The following KSR2 variants were observed in gnomAD, a reference collection of about 807,000 sequenced individuals.
KSR2 encodes kinase suppressor of ras 2.
A neutral mutation model predicts 107.8 loss-of-function variants in KSR2; 25 were observed. The ratio of observed to expected loss-of-function variants is 0.23; its 90% CI spans 0.17 to 0.32. The LOEUF (loss-of-function observed/expected upper bound fraction) is 0.32, where lower values mean the gene tolerates loss of function less well. Among genes scored for constraint, KSR2 ranks in the 10% least tolerant of loss-of-function variants. The pLI is 1.00. For missense variants in KSR2, 887 were observed against 1,268.9 expected, an observed-to-expected ratio of 0.70 and a Z score of 4.57; for synonymous variants, 480 against 507.0, an observed-to-expected ratio of 0.95 and a Z score of 0.71.
intron 1 of KSR2, among the ~76,000 whole-genome samples, chr12:117,877,695 A>C (rs779867360): frequency 3.3e-5 from 5 of 152,176 alleles, no homozygotes; most frequent in African/African-American, 4.8e-5. Context: ...ACATGGATAA[A>C]ACACAAGGAG....
intron 5 of KSR2, among the ~76,000 whole-genome samples, chr12:117,650,229 C>A (rs1883835392): frequency 6.6e-6 from 1 of 152,156 alleles, no homozygotes; most frequent in Admixed American, 6.5e-5. Context: ...CCTAGCCTCC[C>A]AGCCTACATC....
chr12:117,678,459 C>T (rs769969029), intron 4 of KSR2, among the ~76,000 whole-genome samples: 2 of 152,058 alleles, frequency 1.3e-5, no homozygotes, highest in African/African-American at 4.8e-5. Context: ...GCTTCCTCCT[C>T]ACTATGACCC....
chr12:117,731,906 G>T (rs562630902), intron 4 of KSR2, among the ~76,000 whole-genome samples: 2 of 139,980 alleles, frequency 1.4e-5, no homozygotes, highest in Admixed American at 7.8e-5. Context: ...GCGGAAGGCC[G>T]CAGGGTCCTG....
At chr12:117,855,222 A>G (rs1893059325) in intron 3 of KSR2, among the ~76,000 whole-genome samples, 1 of 152,204 alleles carries the variant, frequency 6.6e-6, no homozygotes, top group Admixed American at 6.5e-5. Flanking sequence ...TCCTGGGGCA[A>G]GAGTTCAAAT....
intron 3 of KSR2, among the ~76,000 whole-genome samples, chr12:117,768,488 G>A (rs1241256237): frequency 2.0e-5 from 3 of 152,216 alleles, no homozygotes; most frequent in African/African-American, 7.2e-5. Flanking sequence ...AAACCCTGGT[G>A]CACAGGCTGT....
At chr12:117,799,806 A>C (rs2137016031) in intron 3 of KSR2, among the ~76,000 whole-genome samples, 1 of 152,252 alleles carries the variant, frequency 6.6e-6, no homozygotes, top group East Asian at 1.9e-4. Flanking sequence ...CCCGGCTCTT[A>C]GTGTTGAATA....
chr12:117,464,339 G>C lies in KSR2; in HGVS notation c.*2860C>G, dbSNP rs1871047624. 1 of 152,278 alleles carries C rather than the reference G, an allele frequency of 6.6e-6. No homozygotes were observed. 9.4% of individuals were successfully genotyped at this position (152,278 alleles called of 1,614,324 possible). On this transcript the variant is annotated 3_prime_UTR_variant, in exon 20 of 20. Coordinates refer to ENST00000339824, the MANE Select transcript of KSR2 (RefSeq NM_173598.6). ...AGACTGACTGGAACAACTCGCTGCT[G>C]AGTCAGTGACTTATGTGTACAGGGC... is the stretch of plus-strand genomic sequence containing the variant.
chr12:117,793,003 ACAC>A (rs1006032149), intron 3 of KSR2, among the ~76,000 whole-genome samples: 2 of 143,540 alleles, frequency 1.4e-5, no homozygotes, highest in Non-Finnish European at 3.0e-5. Flanking sequence ...GCACGCACAC[ACAC>A]CAACAGTACG....
intron 3 of KSR2, among the ~76,000 whole-genome samples, chr12:117,817,714 C>A (rs1891421496): frequency 6.6e-6 from 1 of 152,182 alleles, no homozygotes; most frequent in Non-Finnish European, 1.5e-5. Context: ...TACACAAGAC[C>A]TGAATTATAC....
At chr12:117,669,899 A>T (rs886469425) in intron 4 of KSR2, among the ~76,000 whole-genome samples, 1 of 152,170 alleles carries the variant, frequency 6.6e-6, no homozygotes, top group Non-Finnish European at 1.5e-5. Flanking sequence ...AATAAAATTT[A>T]AAAATGATAA....
At chr12:117,685,679 G>C (rs575099979) in intron 4 of KSR2, among the ~76,000 whole-genome samples, 1 of 152,350 alleles carries the variant, frequency 6.6e-6, no homozygotes, top group African/African-American at 2.4e-5. Context: ...CAGCAGAGGG[G>C]AGGGGCCCAG....
intron 7 of KSR2, among the ~76,000 whole-genome samples, chr12:117,571,990 C>G (rs1277928295): frequency 6.6e-6 from 1 of 152,150 alleles, no homozygotes; most frequent in African/African-American, 2.4e-5. Flanking sequence ...CATCCTATCC[C>G]TGCCTGGAGC....
chr12:117,757,344 G>A (rs1888834144), intron 4 of KSR2, among the ~76,000 whole-genome samples: 2 of 152,206 alleles, frequency 1.3e-5, no homozygotes, highest in African/African-American at 2.4e-5. Context: ...TGCTTCTTAC[G>A]GATGAGCAAG....
chr12:117,579,283 G>A (rs1258994843), intron 6 of KSR2, 81 bp from the exon 7 acceptor site: 2 of 948,166 alleles, frequency 2.1e-6, no homozygotes, highest in Non-Finnish European at 3.4e-6. Context: ...TACTTGAAGA[G>A]CAAGCACATG....
At chr12:117,797,475 T>C (rs977908068) in intron 3 of KSR2, among the ~76,000 whole-genome samples, 3 of 152,054 alleles carry the variant, frequency 2.0e-5, no homozygotes, top group African/African-American at 7.2e-5. Flanking sequence ...TGCCAGAGAC[T>C]GTGGGAAGGA....
intron 19 of KSR2, 56 bp from the exon 20 acceptor site, chr12:117,467,261 T>C: frequency 1.5e-6 from 1 of 678,292 alleles, no homozygotes; most frequent in South Asian, 1.8e-5. Flanking sequence ...CATGATGATG[T>C]CATCCGTTGT....
chr12:117,884,981 A>G (rs1437339178), intron 1 of KSR2, among the ~76,000 whole-genome samples: 1 of 152,204 alleles, frequency 6.6e-6, no homozygotes, highest in Non-Finnish European at 1.5e-5. Flanking sequence ...GACACGCAGC[A>G]GGTAACACCA....
chr12:117,796,211 G>A (rs537628751), intron 3 of KSR2, among the ~76,000 whole-genome samples: 5 of 152,234 alleles, frequency 3.3e-5, no homozygotes, highest in Middle Eastern at 3.4e-3. Context: ...GATTAAAGGC[G>A]GAAGCCACCA....
chr12:117,765,925 T>A (rs1227249382), intron 3 of KSR2, among the ~76,000 whole-genome samples: 4 of 152,210 alleles, frequency 2.6e-5, no homozygotes, highest in African/African-American at 9.7e-5. Flanking sequence ...AAACATCTAT[T>A]CTGGGTGCCT....
Sources: gnomAD v4.1 joint callset for allele counts (sites outside exome capture counted in the v4.1 genomes callset) on GRCh38, gnomAD v4.1.1 for gene constraint, MANE v1.5 for transcripts, NCBI Gene and HGNC (gene_info 2026-07-23, HGNC 2026-07-21) for gene names.